RB1CC1: variants seen among roughly 807,000 people sequenced by gnomAD.
RB1CC1 encodes RB1 inducible coiled-coil 1.
Under a neutral mutation model 177.5 loss-of-function variants are expected in RB1CC1, and 46 were observed. The observed-to-expected ratio is 0.26, with a 90% confidence interval of 0.20 to 0.33. The LOEUF (loss-of-function observed/expected upper bound fraction) is 0.33, where lower values mean the gene tolerates loss of function less well. RB1CC1 is among the 10% of genes least tolerant of loss of function. RB1CC1 has a pLI of 1.00. For synonymous variants in RB1CC1, 666 were observed against 613.6 expected (o/e 1.09, Z -1.26); for missense variants, 1,703 against 1,816.3 (o/e 0.94, Z 1.13).
At chr8:52,643,010 C>T in intron 16 of RB1CC1, 198 bp from the exon 17 acceptor site, 2 of 507,960 alleles carry the variant, frequency 3.9e-6, no homozygotes, top group Non-Finnish European at 6.1e-6. Context: ...ATTTAAGTCT[C>T]TTGAAAGCAA....
At chr8:52,705,365 T>C (rs937537489) in intron 1 of RB1CC1, among the ~76,000 whole-genome samples, 1 of 152,032 alleles carries the variant, frequency 6.6e-6, no homozygotes, top group Non-Finnish European at 1.5e-5. Flanking sequence ...TATCTGGAGG[T>C]ACATATTCAC....
At chr8:52,679,843 A>C (rs970256941) in intron 5 of RB1CC1, among the ~76,000 whole-genome samples, 1 of 152,134 alleles carries the variant, frequency 6.6e-6, no homozygotes, top group Non-Finnish European at 1.5e-5. Context: ...AGAAGAAATA[A>C]TACCTATTTA....
intron 7 of RB1CC1, among the ~76,000 whole-genome samples, chr8:52,668,515 T>C (rs905165243): frequency 1.3e-5 from 2 of 152,208 alleles, no homozygotes; most frequent in African/African-American, 2.4e-5. Flanking sequence ...TTAATTCTCT[T>C]ATCAATGCAA....
At chr8:52,640,870 AT>A (rs1444766332) in intron 18 of RB1CC1, among the ~76,000 whole-genome samples, 1 of 152,076 alleles carries the variant, frequency 6.6e-6, no homozygotes, top group South Asian at 2.1e-4. Context: ...AGTTTCTATT[AT>A]TTTCCTTTCA....
chr8:52,635,910 A>C (rs1849106548), intron 19 of RB1CC1, 105 bp downstream of exon 19: 11 of 1,387,084 alleles, frequency 7.9e-6, no homozygotes, highest in African/African-American at 1.5e-5. Context: ...AAAAAGGCTT[A>C]ATTTATAAAC....
chr8:52,714,056 G>A lies in RB1CC1; in HGVS notation c.-167+19C>T. ...TGTGCCAGATGGGGGAAGGGGACGC[G>A]GGCGGCGGCGACACTTACCCGGCAA... On this transcript the variant is annotated intron_variant, in intron 1 of 23. Transcript: ENST00000025008. 2.9e-6 allele frequency: 1 copy of A among 347,046 alleles called. No homozygotes were observed. Among genetic ancestry groups the A allele is most frequent in the Non-Finnish European group, 5.8e-6 (1 of 173,888 alleles). The allele number at this position is 347,046 out of a possible 1,614,324, so 21.5% of individuals were successfully genotyped here.
chr8:52,679,014 T>A (rs946414614), intron 5 of RB1CC1, among the ~76,000 whole-genome samples: 1 of 152,058 alleles, frequency 6.6e-6, no homozygotes, highest in Non-Finnish European at 1.5e-5. Context: ...AGGAAACAAC[T>A]ACCACCCCAC....
intron 7 of RB1CC1, among the ~76,000 whole-genome samples, chr8:52,668,403 A>G (rs1004334123): frequency 3.3e-5 from 5 of 152,238 alleles, no homozygotes; most frequent in African/African-American, 1.2e-4. Context: ...ATACATAATT[A>G]GGAATACATT....
At chr8:52,711,541 A>G (rs1359453989) in intron 1 of RB1CC1, among the ~76,000 whole-genome samples, 2 of 152,222 alleles carry the variant, frequency 1.3e-5, no homozygotes, top group African/African-American at 4.8e-5. Context: ...AAATAAATAT[A>G]TATACATAGA....
intron 15 of RB1CC1, among the ~76,000 whole-genome samples, chr8:52,646,483 C>A: frequency 6.6e-6 from 1 of 152,160 alleles, no homozygotes; most frequent in East Asian, 1.9e-4. Flanking sequence ...GTCAGTTTTG[C>A]TATTCCTATA....
At chr8:52,680,886 A>C (rs949229632) in intron 5 of RB1CC1, among the ~76,000 whole-genome samples, 1 of 152,148 alleles carries the variant, frequency 6.6e-6, no homozygotes, top group African/African-American at 2.4e-5. Context: ...GGTTAGCATT[A>C]ATGAACAGGG....
intron 1 of RB1CC1, among the ~76,000 whole-genome samples, chr8:52,703,505 C>T (rs550161718): frequency 6.6e-6 from 1 of 152,274 alleles, no homozygotes; most frequent in Admixed American, 6.5e-5. Flanking sequence ...AAATGAGGTG[C>T]ATGAATAAAT....
At chr8:52,688,105 A>G (rs1033937737) in intron 1 of RB1CC1, among the ~76,000 whole-genome samples, 2 of 152,230 alleles carry the variant, frequency 1.3e-5, no homozygotes, top group African/African-American at 2.4e-5. Flanking sequence ...GACCACTGTG[A>G]TAATTGTGTT....
intron 1 of RB1CC1, among the ~76,000 whole-genome samples, chr8:52,708,517 AAAACAAAC>A (rs141985049): frequency 0.042 from 6,312 of 151,968 alleles, 454 homozygotes; most frequent in African/African-American, 0.14. Context: ...ACTCGTCTCA[AAAACAAAC>A]AAACAAACAA....
chr8:52,700,283 G>A (rs750399808), intron 1 of RB1CC1, among the ~76,000 whole-genome samples: 2 of 151,910 alleles, frequency 1.3e-5, no homozygotes, highest in Non-Finnish European at 2.9e-5. Flanking sequence ...AGCACCCTTG[G>A]GAGGCCAAGG....
chr8:52,691,637 T>C (rs1464517070), intron 1 of RB1CC1, among the ~76,000 whole-genome samples: 1 of 152,234 alleles, frequency 6.6e-6, no homozygotes, highest in Non-Finnish European at 1.5e-5. Flanking sequence ...AATATCATTT[T>C]CCCACGTTTT....
rs572018800 is a variant in RB1CC1 at position 52,650,785 on chromosome 8, T to G, written c.3822-4918A>C. 3.9e-5 allele frequency among the ~76,000 whole-genome samples: 6 copies of G among 152,306 alleles called. No homozygotes were observed. The East Asian group carries it at 1.2e-3, about 29-fold the overall frequency. On this transcript the variant is annotated intron_variant, in intron 15 of 23. Coordinates refer to ENST00000025008, the MANE Select transcript of RB1CC1 (RefSeq NM_014781.5). ...ATAACAGTACACACTTGTAGTTGTT[T>G]GAAAAACCAGTGACTAAGGAAGGCA...
chr8:52,639,373 A>G (rs80161532), intron 18 of RB1CC1, among the ~76,000 whole-genome samples: 2 of 151,926 alleles, frequency 1.3e-5, no homozygotes, highest in East Asian at 1.9e-4. Context: ...CTCTTTGGAT[A>G]TATCTATGAT....
chr8:52,688,695 AG>A (rs1854521676), intron 1 of RB1CC1, among the ~76,000 whole-genome samples: 1 of 152,110 alleles, frequency 6.6e-6, no homozygotes, highest in Admixed American at 6.5e-5. Flanking sequence ...TGTCCTTTGA[AG>A]CATGTGATCT....
Sources: gnomAD v4.1 joint callset for allele counts (sites outside exome capture counted in the v4.1 genomes callset) on GRCh38, gnomAD v4.1.1 for gene constraint, MANE v1.5 for transcripts, NCBI Gene and HGNC (gene_info 2026-07-23, HGNC 2026-07-21) for gene names.